NCAPH2: variants seen among roughly 807,000 people sequenced by gnomAD.
NCAPH2 encodes non-SMC condensin II complex subunit H2.
Under a neutral mutation model 88.6 loss-of-function variants are expected in NCAPH2, and 56 were observed. The ratio of observed to expected loss-of-function variants is 0.63; its 90% CI spans 0.51 to 0.79. The LOEUF (loss-of-function observed/expected upper bound fraction) is 0.79, where lower values mean the gene tolerates loss of function less well. Among genes scored for constraint, NCAPH2 ranks in the 30% least tolerant of loss-of-function variants. The pLI is 0.00. For missense variants in NCAPH2, 794 were observed against 792.0 expected, an observed-to-expected ratio of 1.00 and a Z score of -0.03; for synonymous variants, 378 against 313.6, an observed-to-expected ratio of 1.21 and a Z score of -2.17.
At chr22:50,519,583 C>CA in intron 9 of NCAPH2, 1 of 1,255,812 alleles carries the variant, frequency 8.0e-7, no homozygotes, top group Non-Finnish European at 1.0e-6. Flanking sequence ...CTGTCGAGCT[C>CA]ACGGCAACCT....
rs2068927131 is a variant in NCAPH2 at position 50,516,485 on chromosome 22, C to T, written c.147C>T (p.Thr49=). ...GCATTTCTTTTGACGAAGGCAAGAC[C>T]ACAATGAACTTCATTGAGGCAGCGT... ...QICISFDEGK[T]TMNFIEAALL... The change falls in exon 2 of 20, where the codon ACC becomes ACT. Residue 49 remains threonine (T), a synonymous_variant. Transcript: ENST00000420993. 6.2e-7 allele frequency: 1 copy of T among 1,614,220 alleles called. No individual in the cohort carries two copies. Among genetic ancestry groups the T allele is most frequent in the East Asian group, 2.2e-5 (1 of 44,884 alleles).
At chr22:50,509,508 A>G (rs1407287925) in intron 1 of NCAPH2, among the ~76,000 whole-genome samples, 1 of 152,180 alleles carries the variant, frequency 6.6e-6, no homozygotes, top group Non-Finnish European at 1.5e-5. Context: ...CATGAATTCC[A>G]TCAGTTATAC....
chr22:50,520,795 T>G (rs1391216866), intron 9 of NCAPH2, 170 bp from the exon 10 acceptor site: 1 of 657,426 alleles, frequency 1.5e-6, no homozygotes, highest in African/African-American at 1.8e-5. Flanking sequence ...ACTCTTGACC[T>G]CGGGTGATCT....
chr22:50,523,612 C>T lies in NCAPH2; in HGVS notation c.*237C>T, dbSNP rs985148465. On this transcript the variant is annotated 3_prime_UTR_variant, in exon 20 of 20. Transcript: ENST00000420993. ...TGATGGGGCCCAGACTGCAGTGGCTCAAGACAGGACACTGCGGAAAGCCGC... is the reference window on the plus strand; with the variant it reads ...TGATGGGGCCCAGACTGCAGTGGCTTAAGACAGGACACTGCGGAAAGCCGC... 1.9e-6 allele frequency: 3 copies of T among 1,613,234 alleles called. No homozygotes were observed. Among genetic ancestry groups the T allele is most frequent in the East Asian group, 2.2e-5 (1 of 44,880 alleles).
rs750326229 is a variant in NCAPH2 at position 50,523,778 on chromosome 22, C to T, written c.*403C>T. 6.2e-6 allele frequency: 10 copies of T among 1,614,050 alleles called. No individual in the cohort carries two copies. Among genetic ancestry groups the T allele is most frequent in the Admixed American group, 1.7e-5 (1 of 59,994 alleles). ...TAGTCCTGGTCCTCATCCTTGGGGC[C>T]TGCATTGTAGTACACGCGGTAACTG... On this transcript the variant is annotated 3_prime_UTR_variant, in exon 20 of 20. Coordinates refer to ENST00000420993, the MANE Select transcript of NCAPH2 (RefSeq NM_152299.4).
rs1423349864 is a variant in NCAPH2, at chr22:50,519,341, T to A, written c.861+21T>A. 7 of 1,609,132 alleles carry A rather than the reference T, an allele frequency of 4.4e-6. No homozygotes were observed. In the African/African-American group the frequency reaches 9.4e-5, roughly 21 times the overall value. Reference sequence around the variant, plus strand: ...AGCAGGTGGGACCCACATGGAGGCCTGCAGAACCTGAGCTGTGAACTGGCA... The same window carrying A: ...AGCAGGTGGGACCCACATGGAGGCCAGCAGAACCTGAGCTGTGAACTGGCA... On this transcript the variant is annotated intron_variant, in intron 9 of 19. Coordinates refer to ENST00000420993, the MANE Select transcript of NCAPH2 (RefSeq NM_152299.4).
At position 50,520,997 on chromosome 22, in the gene NCAPH2, G is replaced by A. The variant is rs754688269; in HGVS notation, c.894G>A (p.Arg298=). The A allele has an allele frequency of 1.9e-6, 3 of 1,551,052 alleles. No individual in the cohort carries two copies. Among genetic ancestry groups the A allele is most frequent in the Non-Finnish European group, 1.7e-6 (2 of 1,146,974 alleles). Residue 298 remains arginine (R), a synonymous_variant, in exon 10 of 20, where the codon CGG becomes CGA. Transcript: ENST00000420993. ...SAALPRRYML[R]EREGAPEPAS... ...CCCTGCCCAGGAGGTACATGCTGCGGGAGCGGGAGGGGGCCCCAGAGCCTG... is the reference window on the plus strand; with the variant it reads ...CCCTGCCCAGGAGGTACATGCTGCGAGAGCGGGAGGGGGCCCCAGAGCCTG...
chr22:50,520,253 T>C (rs2069049250), intron 9 of NCAPH2, among the ~76,000 whole-genome samples: 10 of 151,990 alleles, frequency 6.6e-5, no homozygotes, highest in Admixed American at 6.6e-4. Flanking sequence ...TTTATCTTAT[T>C]TTATTTATTT....
rs1341011878 is a variant in NCAPH2 at position 50,511,626 on chromosome 22, GC to G, written c.108+3183del. Among the ~76,000 whole-genome samples the G allele has an allele frequency of 3.6e-5, 5 of 137,678 alleles. 2 individuals are homozygous for G. The highest frequency in any genetic ancestry group is 1.6e-4 in the African/African-American group (5 of 31,296). 90.3% of individuals were successfully genotyped at this position (137,678 alleles called of 152,430 possible). A position where few individuals can be genotyped will look rare whatever the true frequency, so the allele number is the denominator to read the frequency against. ...CTCTTGAGTAGCCGGGATTACAGGCGCCTGCCACCACGCCTGGCTAATTTTT... is the reference window on the plus strand; with the variant it reads ...CTCTTGAGTAGCCGGGATTACAGGCGCTGCCACCACGCCTGGCTAATTTTT... On this transcript the variant is annotated intron_variant, in intron 1 of 19. Transcript: ENST00000420993.
In NCAPH2 at chr22:50,523,166, G is replaced by A; in HGVS notation, c.1677G>A (p.Leu559=). ...VCRSMLASLQ[L]ANDYTVEITQ... is the part of the protein sequence containing the mutation. ...GTTCCATGCTGGCCTCCCTGCAGCTGGTGAGTAGCCTGGGATACGTGGGAG... is the reference window on the plus strand; with the variant it reads ...GTTCCATGCTGGCCTCCCTGCAGCTAGTGAGTAGCCTGGGATACGTGGGAG... Residue 559 remains leucine (L), a splice_region_variant and synonymous_variant, in exon 19 of 20, where the codon CTG becomes CTA. Coordinates refer to ENST00000420993, the MANE Select transcript of NCAPH2 (RefSeq NM_152299.4). The A allele has an allele frequency of 1.9e-6, 3 of 1,613,720 alleles. No individual in the cohort carries two copies. The highest frequency in any genetic ancestry group is 2.5e-6 in the Non-Finnish European group (3 of 1,179,934).
In NCAPH2 at chr22:50,519,313, C is replaced by T. The variant is rs542632566; in HGVS notation, c.854C>T (p.Pro285Leu). The T allele has an allele frequency of 1.7e-5, 28 of 1,608,706 alleles. No individual in the cohort carries two copies. Among genetic ancestry groups the T allele is most frequent in the African/African-American group, 1.2e-4 (9 of 74,980 alleles). Reference protein sequence around the residue: ...AALEPKESRSPQQSAALPRRY... With the variant: ...AALEPKESRSLQQSAALPRRY... ...CTGGAGCCCAAGGAGTCCAGGAGCC[C>T]GCAGCAGGTGGGACCCACATGGAGG... is the stretch of plus-strand genomic sequence containing the variant. The change falls in exon 9 of 20, where the codon CCG becomes CTG. Residue 285 changes from proline (P) to leucine (L), a missense_variant. Physicochemically the swap from Pro to Leu is moderately conservative, Grantham distance 98. Transcript: ENST00000420993.
chr22:50,524,726 C>T lies in NCAPH2; in HGVS notation c.*1351C>T. On this transcript the variant is annotated 3_prime_UTR_variant, in exon 20 of 20. Coordinates refer to ENST00000420993, the MANE Select transcript of NCAPH2 (RefSeq NM_152299.4). ...TGACGGAAAGCATTCCAAGTGCATG[C>T]CTTGCCTGAACTAACCACGTTATCT... is the stretch of plus-strand genomic sequence containing the variant. 1 of 595,166 alleles carries T rather than the reference C, an allele frequency of 1.7e-6. No individual in the cohort carries two copies. Among genetic ancestry groups the T allele is most frequent in the South Asian group, 1.5e-5 (1 of 65,454 alleles). 36.9% of individuals were successfully genotyped at this position (595,166 alleles called of 1,614,324 possible).
rs369402376 is a variant in NCAPH2 at position 50,517,691 on chromosome 22, C to G, written c.351+30C>G. The G allele has an allele frequency of 1.6e-5, 26 of 1,614,014 alleles. No individual in the cohort carries two copies. The African/African-American group carries it at 3.2e-4, about 20-fold the overall frequency. ...GTTTCTTTGGCATGTGGTCCCCGCC[C>G]ACTGTGTGTTTGCCTGGGCTCCGCC... On this transcript the variant is annotated intron_variant, in intron 4 of 19. Coordinates refer to ENST00000420993, the MANE Select transcript of NCAPH2 (RefSeq NM_152299.4).
At chr22:50,517,110 C>T (rs562623787) in intron 2 of NCAPH2, among the ~76,000 whole-genome samples, 74 of 152,174 alleles carry the variant, frequency 4.9e-4, no homozygotes, top group Non-Finnish European at 9.9e-4. Context: ...AGGGGCCTCA[C>T]CACCAAGGAC....
At position 50,524,416 on chromosome 22, in the gene NCAPH2, C is replaced by G; in HGVS notation, c.*1041C>G. The G allele has an allele frequency of 6.2e-7, 1 of 1,608,132 alleles. No homozygotes were observed. The highest frequency in any genetic ancestry group is 8.5e-7 in the Non-Finnish European group (1 of 1,179,808). ...GCTCCGAGTCAGCAGCAGCATGGAT[C>G]TGATGCTCCTGGAAACAAGCACAGG... On this transcript the variant is annotated 3_prime_UTR_variant, in exon 20 of 20. Coordinates refer to ENST00000420993, the MANE Select transcript of NCAPH2 (RefSeq NM_152299.4).
chr22:50,518,100 G>C (rs376890472), intron 6 of NCAPH2, 33 bp from the exon 7 acceptor site: 1 of 1,613,778 alleles, frequency 6.2e-7, no homozygotes, highest in South Asian at 1.1e-5. Context: ...CCTGGGAAGG[G>C]TCTCTACAGC....
chr22:50,508,485 G>T, intron 1 of NCAPH2, 40 bp downstream of exon 1: 1 of 1,145,736 alleles, frequency 8.7e-7, no homozygotes, highest in Non-Finnish European at 1.2e-6. Flanking sequence ...GGGCCGGCGG[G>T]TGGGGCTGCG....
In NCAPH2 at chr22:50,524,675, GCACCTC is replaced by G; in HGVS notation, c.*1301_*1306del. Reference sequence around the variant, plus strand: ...TGTCACCGCACCCTGCCCTGCACCTGCACCTCAGCAAGGTGAACCTCTTGCTGACGG... The same window carrying G: ...TGTCACCGCACCCTGCCCTGCACCTGAGCAAGGTGAACCTCTTGCTGACGG... On this transcript the variant is annotated 3_prime_UTR_variant, in exon 20 of 20. Transcript: ENST00000420993. 1 of 680,012 alleles carries G rather than the reference GCACCTC, an allele frequency of 1.5e-6. No individual in the cohort carries two copies. Among genetic ancestry groups the G allele is most frequent in the Non-Finnish European group, 2.8e-6 (1 of 361,276 alleles). 42.1% of individuals were successfully genotyped at this position (680,012 alleles called of 1,614,324 possible). A position where few individuals can be genotyped will look rare whatever the true frequency, so the allele number is the denominator to read the frequency against.
In NCAPH2 at chr22:50,523,609, G is replaced by T. The variant is rs572363067; in HGVS notation, c.*234G>T. ...TAATGATGGGGCCCAGACTGCAGTGGCTCAAGACAGGACACTGCGGAAAGC... is the reference window on the plus strand; with the variant it reads ...TAATGATGGGGCCCAGACTGCAGTGTCTCAAGACAGGACACTGCGGAAAGC... On this transcript the variant is annotated 3_prime_UTR_variant, in exon 20 of 20. Transcript: ENST00000420993. 4.7e-5 allele frequency: 75 copies of T among 1,612,800 alleles called. No individual in the cohort carries two copies. Among genetic ancestry groups the T allele is most frequent in the Non-Finnish European group, 6.1e-5 (72 of 1,179,824 alleles).
Sources: gnomAD v4.1 joint callset for allele counts (sites outside exome capture counted in the v4.1 genomes callset) on GRCh38, gnomAD v4.1.1 for gene constraint, MANE v1.5 for transcripts, NCBI Gene and HGNC (gene_info 2026-07-23, HGNC 2026-07-21) for gene names.